The following KCNT2 variants were observed in gnomAD, a reference collection of about 807,000 sequenced individuals.
The protein encoded by KCNT2 is potassium channel subfamily T member 2.
Under a neutral mutation model 153.8 loss-of-function variants are expected in KCNT2, and 67 were observed. The ratio of observed to expected loss-of-function variants is 0.44; its 90% CI spans 0.36 to 0.53. The LOEUF is 0.53. Ranked by LOEUF, KCNT2 falls within the 20% of genes least tolerant of loss-of-function variation. The probability of loss-of-function intolerance (pLI) is 0.00; values close to 1 mark genes in which losing one functional copy is unlikely to be tolerated. For synonymous variants in KCNT2, 500 were observed against 458.8 expected (o/e 1.09, Z -1.15); for missense variants, 975 against 1,354.8 (o/e 0.72, Z 4.40).
At chr1:196,418,109 T>C (rs1672897852) in intron 12 of KCNT2, among the ~76,000 whole-genome samples, 1 of 152,110 alleles carries the variant, frequency 6.6e-6, no homozygotes, top group Non-Finnish European at 1.5e-5. Flanking sequence ...TAATTGTCTC[T>C]TTTGACATTT....
chr1:196,412,205 A>G (rs935666261), intron 12 of KCNT2, among the ~76,000 whole-genome samples: 3 of 151,692 alleles, frequency 2.0e-5, no homozygotes, highest in African/African-American at 7.3e-5. Flanking sequence ...TCTCTTTTTA[A>G]TAATTTTCAC....
intron 16 of KCNT2, 81 bp from the exon 17 acceptor site, chr1:196,334,141 T>A: frequency 1.3e-6 from 1 of 777,186 alleles, no homozygotes; most frequent in Non-Finnish European, 2.2e-6. Context: ...AAATATGAAA[T>A]ATAATAAACA....
In KCNT2 at chr1:196,417,603, A is replaced by G. The variant is rs889977034; in HGVS notation, c.1185+5447T>C. On this transcript the variant is annotated intron_variant, in intron 12 of 27. Transcript: ENST00000294725. The stretch of plus-strand genomic sequence containing the variant: ...TTAAATTATAATCTACTAGCTTTCT[A>G]TTATGGAACAAAAGAGTATAACTTT... 1.1e-4 allele frequency among the ~76,000 whole-genome samples: 16 copies of G among 152,052 alleles called. 1 individual carries two copies. The highest frequency in any genetic ancestry group is 4.8e-5 in the African/African-American group (2 of 41,402).
At chr1:196,572,533 C>T (rs1660899808) in intron 1 of KCNT2, among the ~76,000 whole-genome samples, 1 of 152,032 alleles carries the variant, frequency 6.6e-6, no homozygotes. Flanking sequence ...AAAGAGAGAA[C>T]TGCATACGTT....
chr1:196,554,513 C>A (rs182914123), intron 1 of KCNT2, among the ~76,000 whole-genome samples: 81 of 150,086 alleles, frequency 5.4e-4, no homozygotes, highest in African/African-American at 1.9e-3. Flanking sequence ...GCCATAATAA[C>A]AAGAAAATCC....
At chr1:196,244,783 C>T (rs964903527) in intron 26 of KCNT2, among the ~76,000 whole-genome samples, 3 of 152,104 alleles carry the variant, frequency 2.0e-5, no homozygotes, top group Non-Finnish European at 1.5e-5. Flanking sequence ...ACTTACCACC[C>T]TGAAGGGAGG....
At chr1:196,234,978 C>T (rs1654300639) in intron 27 of KCNT2, among the ~76,000 whole-genome samples, 1 of 151,380 alleles carries the variant, frequency 6.6e-6, no homozygotes, top group African/African-American at 2.4e-5. Flanking sequence ...AATTTCTTTC[C>T]TAGGCTTACA....
chr1:196,594,721 T>C (rs1027641917), intron 1 of KCNT2, among the ~76,000 whole-genome samples: 4 of 151,680 alleles, frequency 2.6e-5, no homozygotes, highest in African/African-American at 9.7e-5. Flanking sequence ...CAATTTAGAG[T>C]CTGGTAATGA....
At chr1:196,308,926 T>C (rs1237394229) in intron 21 of KCNT2, among the ~76,000 whole-genome samples, 1 of 152,038 alleles carries the variant, frequency 6.6e-6, no homozygotes, top group African/African-American at 2.4e-5. Context: ...TGAATAATTA[T>C]CAAGTTTTTA....
At chr1:196,567,191 C>T (rs1660215191) in intron 1 of KCNT2, among the ~76,000 whole-genome samples, 1 of 152,004 alleles carries the variant, frequency 6.6e-6, no homozygotes, top group South Asian at 2.1e-4. Flanking sequence ...TCTCTCACTC[C>T]TCCTCTACTT....
chr1:196,435,182 T>TATAC (rs1674544323), intron 8 of KCNT2, among the ~76,000 whole-genome samples: 1 of 130,914 alleles, frequency 7.6e-6, no homozygotes, highest in Admixed American at 7.9e-5. Context: ...TATATATATA[T>TATAC]GAATATGGAC....
rs931129340 is a variant in KCNT2 at position 196,350,173 on chromosome 1, G to A, written c.1404-7945C>T. Among the ~76,000 whole-genome samples the A allele has an allele frequency of 8.5e-5, 13 of 152,296 alleles. 1 individual carries two copies. The South Asian group carries it at 1.5e-3, about 17-fold the overall frequency. Reference sequence around the variant, plus strand: ...ATAGAGCCGCAATAAACATACGTGTGCATGTGTCTTTATAGCAGCATGATT... The same window carrying A: ...ATAGAGCCGCAATAAACATACGTGTACATGTGTCTTTATAGCAGCATGATT... On this transcript the variant is annotated intron_variant, in intron 14 of 27. Coordinates refer to ENST00000294725, the MANE Select transcript of KCNT2 (RefSeq NM_198503.5).
At chr1:196,579,337 G>A (rs76687008) in intron 1 of KCNT2, among the ~76,000 whole-genome samples, 1,723 of 151,978 alleles carry the variant, frequency 0.011, 37 homozygotes, top group African/African-American at 0.039. Flanking sequence ...ATGGAGGGTC[G>A]GGGGAGAGAC....
intron 1 of KCNT2, among the ~76,000 whole-genome samples, chr1:196,508,273 C>A (rs1008487025): frequency 2.0e-5 from 3 of 149,080 alleles, no homozygotes; most frequent in Admixed American, 2.0e-4. Context: ...GATTAAATCA[C>A]CTCCTGAAAT....
chr1:196,597,112 A>G (rs1380910906), intron 1 of KCNT2, among the ~76,000 whole-genome samples: 1 of 152,178 alleles, frequency 6.6e-6, no homozygotes, highest in East Asian at 1.9e-4. Flanking sequence ...AACATAATTC[A>G]GGTTTGTGTT....
At chr1:196,565,439 C>A (rs560515663) in intron 1 of KCNT2, among the ~76,000 whole-genome samples, 1 of 151,598 alleles carries the variant, frequency 6.6e-6, no homozygotes, top group Non-Finnish European at 1.5e-5. Context: ...GCTGGGTATA[C>A]ATCCAAAGGA....
At chr1:196,556,220 A>G (rs1658638209) in intron 1 of KCNT2, among the ~76,000 whole-genome samples, 1 of 151,618 alleles carries the variant, frequency 6.6e-6, no homozygotes, top group African/African-American at 2.4e-5. Flanking sequence ...CACAACACAC[A>G]GAATGGGAGA....
At chr1:196,324,729 T>C (rs933440681) in intron 19 of KCNT2, among the ~76,000 whole-genome samples, 1 of 152,054 alleles carries the variant, frequency 6.6e-6, no homozygotes, top group African/African-American at 2.4e-5. Flanking sequence ...AAAAGCCACA[T>C]CTATATTTAT....
chr1:196,284,907 C>A (rs1046709696), intron 23 of KCNT2, among the ~76,000 whole-genome samples: 3 of 152,064 alleles, frequency 2.0e-5, no homozygotes, highest in Admixed American at 2.0e-4. Context: ...AGAATAGGTA[C>A]AATAAAATGC....
Sources: allele counts gnomAD v4.1 joint callset (sites outside exome capture counted in the v4.1 genomes callset), GRCh38; gene constraint gnomAD v4.1.1; transcripts MANE v1.5; gene names NCBI Gene and HGNC (gene_info 2026-07-23, HGNC 2026-07-21).